KPNA4: variants seen among roughly 807,000 people sequenced by gnomAD.
The protein encoded by KPNA4 is importin subunit alpha-3.
Under a neutral mutation model 71.3 loss-of-function variants are expected in KPNA4, and 13 were observed. That is an observed-to-expected ratio of 0.18 (90% CI 0.12 to 0.29). The LOEUF (loss-of-function observed/expected upper bound fraction) is 0.29, where lower values mean the gene tolerates loss of function less well. Among genes scored for constraint, KPNA4 ranks in the 10% least tolerant of loss-of-function variants. KPNA4 has a pLI of 1.00. For synonymous variants in KPNA4, 189 were observed against 195.2 expected (o/e 0.97, Z 0.26); for missense variants, 334 against 603.2 (o/e 0.55, Z 4.67).
intron 14 of KPNA4, among the ~76,000 whole-genome samples, chr3:160,508,730 G>A (rs1027246825): frequency 6.6e-6 from 1 of 151,900 alleles, no homozygotes; most frequent in Non-Finnish European, 1.5e-5. Flanking sequence ...ATGTTGCCCA[G>A]GCTGGTCTTG....
chr3:160,506,871 T>C (rs1577045087), intron 15 of KPNA4, among the ~76,000 whole-genome samples: 1 of 152,344 alleles, frequency 6.6e-6, no homozygotes, highest in East Asian at 1.9e-4. Flanking sequence ...CTTTAGTAAC[T>C]TTAAATATAT....
chr3:160,535,721 TA>T (rs1363255148), intron 3 of KPNA4, 31 bp from the exon 4 acceptor site: 4 of 1,572,768 alleles, frequency 2.5e-6, no homozygotes, highest in Non-Finnish European at 2.6e-6. Context: ...AAAACTCAGT[TA>T]AAAAGTCACC....
At chr3:160,523,197 G>A (rs1436249975) in intron 10 of KPNA4, among the ~76,000 whole-genome samples, 1 of 152,218 alleles carries the variant, frequency 6.6e-6, no homozygotes, top group African/African-American at 2.4e-5. Context: ...TAGGCAGGGA[G>A]TAGTGGCTCA....
rs190583461 is a variant in KPNA4, at chr3:160,533,180, C to T, written c.288-1623G>A. ...CTGGGATTACAGGCATGTGACACTA[C>T]ACCCAGCCAACTTTTATATTTTTAG... is the stretch of plus-strand genomic sequence containing the variant. On this transcript the variant is annotated intron_variant, in intron 5 of 16. Coordinates refer to ENST00000334256, the MANE Select transcript of KPNA4 (RefSeq NM_002268.5). Among the ~76,000 whole-genome samples the T allele has an allele frequency of 6.6e-5, 10 of 152,174 alleles. No homozygotes were observed. In the East Asian group the frequency reaches 1.7e-3, roughly 27 times the overall value.
chr3:160,536,017 C>T (rs1332067369), intron 2 of KPNA4, 120 bp from the exon 3 acceptor site: 1 of 756,914 alleles, frequency 1.3e-6, no homozygotes, highest in Non-Finnish European at 1.8e-6. Context: ...TATGAAGTGC[C>T]TTTTAAAAGT....
intron 1 of KPNA4, among the ~76,000 whole-genome samples, chr3:160,538,133 GTATGTATATATGTATATA>G (rs1000886092): frequency 2.7e-5 from 4 of 149,078 alleles, no homozygotes; most frequent in East Asian, 3.9e-4. Context: ...GTATATATAT[GTATGTATATATGTATATA>G]TATGTATATA....
intron 13 of KPNA4, among the ~76,000 whole-genome samples, chr3:160,512,211 T>C (rs1470982486): frequency 1.3e-5 from 2 of 152,158 alleles, no homozygotes; most frequent in Admixed American, 1.3e-4. Context: ...ATTCCAGTTC[T>C]AGATCAGAAA....
intron 1 of KPNA4, among the ~76,000 whole-genome samples, chr3:160,555,552 T>C (rs994493832): frequency 6.6e-6 from 1 of 152,044 alleles, no homozygotes; most frequent in African/African-American, 2.4e-5. Flanking sequence ...TTAATAATAA[T>C]AAAATGGAAC....
At chr3:160,521,724 G>T in intron 11 of KPNA4, 55 bp downstream of exon 11, 1 of 1,523,326 alleles carries the variant, frequency 6.6e-7, no homozygotes, top group Non-Finnish European at 9.0e-7. Context: ...TGAATGCCAT[G>T]CTTAAAGCAA....
intron 1 of KPNA4, among the ~76,000 whole-genome samples, chr3:160,553,952 T>C (rs907167914): frequency 6.6e-6 from 1 of 152,222 alleles, no homozygotes; most frequent in African/African-American, 2.4e-5. Flanking sequence ...CTGAGAGATC[T>C]TACAGATCTG....
intron 1 of KPNA4, among the ~76,000 whole-genome samples, chr3:160,558,028 A>G (rs1041048042): frequency 2.6e-5 from 4 of 152,182 alleles, no homozygotes; most frequent in African/African-American, 7.2e-5. Flanking sequence ...TTACCAACAA[A>G]TATCTATGAC....
At chr3:160,507,639 C>T (rs1403728818) in intron 15 of KPNA4, among the ~76,000 whole-genome samples, 2 of 152,092 alleles carry the variant, frequency 1.3e-5, no homozygotes, top group Non-Finnish European at 2.9e-5. Flanking sequence ...TTTCTGACCT[C>T]AGACTTTGCT....
intron 1 of KPNA4, among the ~76,000 whole-genome samples, chr3:160,555,567 A>G (rs936987522): frequency 2.0e-5 from 3 of 152,226 alleles, no homozygotes; most frequent in African/African-American, 7.2e-5. Context: ...TGGAACAATT[A>G]TAACAATATA....
At chr3:160,557,610 A>G (rs1019685907) in intron 1 of KPNA4, among the ~76,000 whole-genome samples, 3 of 152,210 alleles carry the variant, frequency 2.0e-5, no homozygotes, top group Non-Finnish European at 4.4e-5. Context: ...TAGGGAAAAA[A>G]TGACAGGTGA....
intron 11 of KPNA4, among the ~76,000 whole-genome samples, chr3:160,517,960 T>C (rs983003040): frequency 1.3e-5 from 2 of 152,208 alleles, no homozygotes; most frequent in Non-Finnish European, 2.9e-5. Context: ...ACACACAAGT[T>C]TGTAAGTTTT....
At chr3:160,504,496 C>T (rs1004471825) in intron 16 of KPNA4, among the ~76,000 whole-genome samples, 38 of 152,154 alleles carry the variant, frequency 2.5e-4, no homozygotes, top group African/African-American at 8.9e-4. Flanking sequence ...CTATACCTTA[C>T]ATTATATAGT....
chr3:160,511,272 A>AT (rs1721087751), intron 13 of KPNA4, among the ~76,000 whole-genome samples: 1 of 149,112 alleles, frequency 6.7e-6, no homozygotes, highest in Admixed American at 6.7e-5. Context: ...TGCCTGGCTA[A>AT]TTTTTTGTAT....
At chr3:160,539,714 A>T (rs1721758481) in intron 1 of KPNA4, among the ~76,000 whole-genome samples, 1 of 152,244 alleles carries the variant, frequency 6.6e-6, no homozygotes, top group Non-Finnish European at 1.5e-5. Context: ...TGTAGGATGC[A>T]TTACTTAAGA....
intron 1 of KPNA4, among the ~76,000 whole-genome samples, chr3:160,559,937 C>T (rs1722209484): frequency 1.3e-5 from 2 of 151,900 alleles, no homozygotes; most frequent in African/African-American, 4.8e-5. Flanking sequence ...TCATATTAAC[C>T]ACAGAAAAAG....
Sources: gnomAD v4.1 joint callset for allele counts (sites outside exome capture counted in the v4.1 genomes callset) on GRCh38, gnomAD v4.1.1 for gene constraint, MANE v1.5 for transcripts, NCBI Gene and HGNC (gene_info 2026-07-23, HGNC 2026-07-21) for gene names.